Variants in NSD2 observed in about 807,000 individuals in gnomAD.
NSD2 encodes the protein histone-lysine N-methyltransferase NSD2.
A neutral mutation model predicts 139.0 loss-of-function variants in NSD2; 12 were observed. That is an observed-to-expected ratio of 0.09 (90% CI 0.06 to 0.14). The LOEUF (loss-of-function observed/expected upper bound fraction) is 0.14. Among genes scored for constraint, NSD2 ranks in the 10% least tolerant of loss-of-function variants. NSD2 has a pLI of 1.00. For missense variants in NSD2, 1,155 were observed against 1,745.0 expected (o/e 0.66, Z 6.02); for synonymous variants, 669 against 648.7 (o/e 1.03, Z -0.48).
intron 9 of NSD2, chr4:1,944,593 A>G (rs1723429299): frequency 9.4e-7 from 1 of 1,063,834 alleles, no homozygotes; most frequent in Admixed American, 5.4e-5. Flanking sequence ...ACTTGTCAGA[A>G]TATATAAAAG....
intron 1 of NSD2, among the ~76,000 whole-genome samples, chr4:1,888,427 AAAAAAAAAAAGACTTTATATGCCAG>A (rs1715281708): frequency 6.6e-6 from 1 of 151,380 alleles, no homozygotes; most frequent in Non-Finnish European, 1.5e-5. Flanking sequence ...AAAAAAAAAA[AAAAAAAAAAAGACTTTATATGCCAG>A]AGAATCATCT....
At chr4:1,935,067 G>T in intron 6 of NSD2, 77 bp from the exon 7 acceptor site, 1 of 1,120,988 alleles carries the variant, frequency 8.9e-7, no homozygotes. Flanking sequence ...TGAATGCCCT[G>T]GGTAGGTTCT....
intron 3 of NSD2, among the ~76,000 whole-genome samples, chr4:1,907,761 C>T (rs1000893521): frequency 2.0e-5 from 3 of 151,836 alleles, no homozygotes; most frequent in African/African-American, 7.3e-5. Flanking sequence ...TACAGGTGCA[C>T]GCCACCACAC....
chr4:1,947,544 T>C (rs1723760448), intron 9 of NSD2: 1 of 1,053,316 alleles, frequency 9.5e-7, no homozygotes, highest in Non-Finnish European at 1.1e-6. Flanking sequence ...TTATGAACTA[T>C]AGTATTTTAG....
chr4:1,871,805 C>T (rs1262571671), intron 1 of NSD2, among the ~76,000 whole-genome samples: 1 of 148,188 alleles, frequency 6.7e-6, no homozygotes, highest in African/African-American at 2.5e-5. Context: ...ACCGGGCGGA[C>T]CGCGGAGGCC....
In NSD2 at chr4:1,978,947, A is replaced by G; in HGVS notation, c.*38A>G. The G allele has an allele frequency of 6.9e-7, 1 of 1,454,060 alleles. No individual in the cohort carries two copies. Among genetic ancestry groups the G allele is most frequent in the South Asian group, 1.5e-5 (1 of 68,524 alleles). 90.1% of individuals were successfully genotyped at this position (1,454,060 alleles called of 1,614,324 possible). On this transcript the variant is annotated 3_prime_UTR_variant, in exon 22 of 22. Coordinates refer to ENST00000508803, the MANE Select transcript of NSD2 (RefSeq NM_001042424.3). ...GCTTGGCCGGATCCAGGGGCGGTGC[A>G]GGGCGGCCGGCCCTGCCTGCGGGAG...
chr4:1,878,915 C>G (rs375807158), intron 1 of NSD2, among the ~76,000 whole-genome samples: 30 of 152,252 alleles, frequency 2.0e-4, no homozygotes, highest in African/African-American at 7.0e-4. Context: ...GAGAGTGGTG[C>G]AGGAGAGGGT....
intron 1 of NSD2, among the ~76,000 whole-genome samples, chr4:1,894,806 T>G (rs1716033967): frequency 6.6e-6 from 1 of 152,226 alleles, no homozygotes; most frequent in African/African-American, 2.4e-5. Flanking sequence ...AACATAAAAT[T>G]TACCATTTTA....
At chr4:1,963,585 T>G (rs1725580948) in intron 18 of NSD2, among the ~76,000 whole-genome samples, 1 of 152,216 alleles carries the variant, frequency 6.6e-6, no homozygotes, top group Non-Finnish European at 1.5e-5. Context: ...AAAAAAGAAA[T>G]GCCAGGTTGA....
chr4:1,872,621 A>AGAGAGAGAGAGAGAGAGAGAGC (rs1713930817), intron 1 of NSD2, among the ~76,000 whole-genome samples: 4 of 145,404 alleles, frequency 2.8e-5, no homozygotes, highest in African/African-American at 5.1e-5. Flanking sequence ...AGAGAGAGAG[A>AGAGAGAGAGAGAGAGAGAGAGC]GAGAGAGAGA....
intron 5 of NSD2, among the ~76,000 whole-genome samples, chr4:1,920,085 T>G (rs1719922468): frequency 6.6e-6 from 1 of 152,174 alleles, no homozygotes; most frequent in South Asian, 2.1e-4. Context: ...TTCTAATAAA[T>G]CTACTGGACA....
At chr4:1,944,797 C>G in intron 9 of NSD2, 1 of 1,063,834 alleles carries the variant, frequency 9.4e-7, no homozygotes, top group Non-Finnish European at 1.1e-6. Flanking sequence ...TTGGGCCTTT[C>G]CTCAGTGTTC....
intron 11 of NSD2, chr4:1,952,693 G>C: frequency 9.4e-7 from 1 of 1,063,450 alleles, no homozygotes; most frequent in Non-Finnish European, 1.1e-6. Context: ...AGAAAGAACA[G>C]CTCCAGGCTT....
At chr4:1,877,089 A>G (rs1427475749) in intron 1 of NSD2, among the ~76,000 whole-genome samples, 1 of 152,104 alleles carries the variant, frequency 6.6e-6, no homozygotes, top group Admixed American at 6.6e-5. Context: ...ATGAGCCGAG[A>G]TCATGCTACT....
At chr4:1,960,750 C>T (rs904380863) in intron 17 of NSD2, among the ~76,000 whole-genome samples, 1 of 152,214 alleles carries the variant, frequency 6.6e-6, no homozygotes, top group Non-Finnish European at 1.5e-5. Context: ...TATGTAGAAG[C>T]TTGGTTATCA....
intron 5 of NSD2, 57 bp from the exon 6 acceptor site, chr4:1,930,569 A>G: frequency 6.6e-7 from 1 of 1,516,100 alleles, no homozygotes; most frequent in South Asian, 1.3e-5. Flanking sequence ...ATGCAAAACA[A>G]AACCCAATGA....
At chr4:1,922,184 A>G (rs956080978) in intron 5 of NSD2, among the ~76,000 whole-genome samples, 1 of 152,218 alleles carries the variant, frequency 6.6e-6, no homozygotes, top group Non-Finnish European at 1.5e-5. Context: ...GGAATAAATA[A>G]AGCTGTCATT....
rs545886663 is a variant in NSD2 at position 1,939,201 on chromosome 4, T to A, written c.1757-453T>A. The A allele has an allele frequency of 5.6e-3, 832 of 149,198 alleles. 4 individuals are homozygous for A. The highest frequency in any genetic ancestry group is 0.02 in the African/African-American group (792 of 39,604). 9.2% of individuals were successfully genotyped at this position (149,198 alleles called of 1,614,324 possible). A position where few individuals can be genotyped will look rare whatever the true frequency, so the allele number is the denominator to read the frequency against. On this transcript the variant is annotated intron_variant, in intron 8 of 21. Coordinates refer to ENST00000508803, the MANE Select transcript of NSD2 (RefSeq NM_001042424.3). The stretch of plus-strand genomic sequence containing the variant: ...TTTTAAAAATCAGTTAAACAGACTT[T>A]AAAAAAAAAAAAAGACATGAGCAAT...
At chr4:1,907,340 A>AT (rs1353655520) in intron 3 of NSD2, among the ~76,000 whole-genome samples, 1 of 152,122 alleles carries the variant, frequency 6.6e-6, no homozygotes, top group Non-Finnish European at 1.5e-5. Context: ...TTGACCAGTT[A>AT]TTAACCCTGC....
Sources: allele counts gnomAD v4.1 joint callset (sites outside exome capture counted in the v4.1 genomes callset), GRCh38; gene constraint gnomAD v4.1.1; transcripts MANE v1.5; gene names NCBI Gene and HGNC (gene_info 2026-07-23, HGNC 2026-07-21).